Variants in MEF2D observed in about 807,000 individuals in gnomAD.
MEF2D encodes the protein myocyte-specific enhancer factor 2D.
A neutral mutation model predicts 59.3 loss-of-function variants in MEF2D; 10 were observed. The ratio of observed to expected loss-of-function variants is 0.17; its 90% CI spans 0.10 to 0.29. The LOEUF is 0.29. MEF2D is among the 10% of genes least tolerant of loss of function. The pLI, the probability that MEF2D is intolerant of heterozygous loss-of-function variation, is 1.00. For synonymous variants in MEF2D, 305 were observed against 295.0 expected (o/e 1.03, Z -0.35); for missense variants, 508 against 699.4 (o/e 0.73, Z 3.09).
In MEF2D at chr1:156,468,186, G is replaced by C; in HGVS notation, c.1361C>G (p.Pro454Arg). The C allele has an allele frequency of 6.2e-7, 1 of 1,613,832 alleles. No individual in the cohort carries two copies. The highest frequency in any genetic ancestry group is 1.3e-5 in the African/African-American group (1 of 75,052). Residue 454 changes from proline to arginine, a missense_variant, in exon 11 of 12, where the codon CCC (proline) becomes CGC (arginine). Physicochemically the swap from Pro to Arg is moderately radical, Grantham distance 103. Around this residue, in one of 2 missense-constraint regions of MEF2D, gnomAD observed 481 missense variants for 584.7 expected, o/e 0.82. Coordinates refer to ENST00000348159, the MANE Select transcript of MEF2D (RefSeq NM_005920.4). The surrounding 1 kb of genome is among the most constrained non-coding windows in gnomAD (Gnocchi z 4.3). ...GGCAGCTGGGAACACAGCTGGAGGG[G>C]GAGGCGCAGGGCTGCGCTCACGGCT... Reference protein sequence around the residue: ...SPSRERSPAPPPPAVFPAARP... With the variant: ...SPSRERSPAPRPPAVFPAARP...
chr1:156,472,580 G>A (rs941095697), intron 9 of MEF2D, among the ~76,000 whole-genome samples: 2 of 152,068 alleles, frequency 1.3e-5, no homozygotes, highest in African/African-American at 4.8e-5. Context: ...CAAAAGTCTC[G>A]CTCTGTTGCC....
At chr1:156,498,597 T>TC (rs1673286394) in intron 1 of MEF2D, among the ~76,000 whole-genome samples, 3 of 149,842 alleles carry the variant, frequency 2.0e-5, no homozygotes, top group Non-Finnish European at 4.5e-5. Flanking sequence ...CTTCCTCCCT[T>TC]CCCCCCTCCC....
intron 9 of MEF2D, 133 bp downstream of exon 9, chr1:156,474,975 G>T: frequency 7.9e-7 from 1 of 1,271,336 alleles, no homozygotes. Flanking sequence ...TTAACCATAA[G>T]TAGGTGGGGG....
chr1:156,498,171 C>T (rs1007380584), intron 1 of MEF2D, among the ~76,000 whole-genome samples: 3 of 142,704 alleles, frequency 2.1e-5, no homozygotes, highest in African/African-American at 7.9e-5. Flanking sequence ...GAAAGACTAT[C>T]ATATCTCCCA....
intron 8 of MEF2D, 49 bp from the exon 9 acceptor site, chr1:156,475,286 TTA>T: frequency 6.5e-7 from 1 of 1,530,648 alleles, no homozygotes; most frequent in East Asian, 2.3e-5. Context: ...GTGGGCAGCT[TTA>T]TGTTGGCCCT....
chr1:156,473,259 C>G (rs1001732656), intron 9 of MEF2D, among the ~76,000 whole-genome samples: 4 of 152,166 alleles, frequency 2.6e-5, no homozygotes, highest in African/African-American at 9.7e-5. Context: ...TCGTGATCCT[C>G]CTGCCTCAGC....
chr1:156,474,180 T>C (rs1277600134), intron 9 of MEF2D, among the ~76,000 whole-genome samples: 1 of 152,164 alleles, frequency 6.6e-6, no homozygotes, highest in Non-Finnish European at 1.5e-5. Flanking sequence ...TAAACAATGC[T>C]GGCCAGGCAC....
intron 1 of MEF2D, 67 bp from the exon 2 acceptor site, chr1:156,483,497 C>A: frequency 1.7e-6 from 1 of 586,946 alleles, no homozygotes; most frequent in Non-Finnish European, 3.0e-6. Context: ...CCTGGGCACA[C>A]AGGCCAGACT....
Position 156,483,319 on chromosome 1 carries a change from G to A in MEF2D, c.-27C>T, listed in dbSNP as rs779796679. On this transcript the variant is annotated 5_prime_UTR_variant, in exon 2 of 12. Coordinates refer to ENST00000348159, the MANE Select transcript of MEF2D (RefSeq NM_005920.4). ...TTCTCCGGGGGTCCTCAGTGCTACG[G>A]AGGGGAGGGGCTCGCTGGGTGGTGG... The A allele has an allele frequency of 1.2e-6, 2 of 1,612,610 alleles. No homozygotes were observed. Among genetic ancestry groups the A allele is most frequent in the Admixed American group, 1.7e-5 (1 of 59,988 alleles).
intron 1 of MEF2D, among the ~76,000 whole-genome samples, chr1:156,488,599 A>G (rs562995680): frequency 1.3e-5 from 2 of 152,318 alleles, no homozygotes; most frequent in East Asian, 1.9e-4. Flanking sequence ...TGAGCTACAC[A>G]TGATGTGCAA....
intron 3 of MEF2D, among the ~76,000 whole-genome samples, chr1:156,482,099 G>A (rs770571766): frequency 1.3e-5 from 2 of 152,248 alleles, no homozygotes; most frequent in Admixed American, 6.5e-5. Context: ...ATGGAGAAGC[G>A]GGGAAAGAGA....
At chr1:156,489,461 C>T (rs1175695774) in intron 1 of MEF2D, among the ~76,000 whole-genome samples, 2 of 151,886 alleles carry the variant, frequency 1.3e-5, no homozygotes, top group Non-Finnish European at 1.5e-5. Flanking sequence ...AAAGAGGCAG[C>T]GAGGCCAGAA....
At position 156,467,463 on chromosome 1, in the gene MEF2D, T is replaced by TA. The variant is rs1329356591; in HGVS notation, c.*181dup. 2.4e-5 allele frequency: 7 copies of TA among 285,960 alleles called. No individual in the cohort carries two copies. Among genetic ancestry groups the TA allele is most frequent in the Non-Finnish European group, 3.2e-5 (5 of 156,082 alleles). 17.7% of individuals were successfully genotyped at this position (285,960 alleles called of 1,614,324 possible). A position where few individuals can be genotyped will look rare whatever the true frequency, so the allele number is the denominator to read the frequency against. ...CCCTCTCCAAAGCGAGAATCCAAATTAAAAAAAATATAATAATAATAATAA... is the reference window on the plus strand; with the variant it reads ...CCCTCTCCAAAGCGAGAATCCAAATTAAAAAAAAATATAATAATAATAATAA... On this transcript the variant is annotated 3_prime_UTR_variant, in exon 12 of 12. Coordinates refer to ENST00000348159, the MANE Select transcript of MEF2D (RefSeq NM_005920.4).
At chr1:156,467,720 C>A in intron 11 of MEF2D, 64 bp from the exon 12 acceptor site, 1 of 1,344,254 alleles carries the variant, frequency 7.4e-7, no homozygotes, top group East Asian at 2.7e-5. Context: ...GTATGCACCC[C>A]CCACTCCCCT....
Position 156,467,985 on chromosome 1 carries a change from T to C in MEF2D, c.1554+8A>G. On this transcript the variant is annotated splice_region_variant and intron_variant, in intron 11 of 11. Coordinates refer to ENST00000348159, the MANE Select transcript of MEF2D (RefSeq NM_005920.4). The stretch of plus-strand genomic sequence containing the variant: ...CACTGGCAGACAGGAGAGGTGATGC[T>C]ACAGTACCCAGGTATCAAGCCGCAT... 6.2e-7 allele frequency: 1 copy of C among 1,607,368 alleles called. No homozygotes were observed. Among genetic ancestry groups the C allele is most frequent in the Non-Finnish European group, 8.5e-7 (1 of 1,177,482 alleles).
intron 1 of MEF2D, chr1:156,499,569 A>C (rs1673352486): frequency 6.6e-6 from 1 of 152,070 alleles, no homozygotes; most frequent in South Asian, 2.1e-4. Flanking sequence ...ACCTGGTAGG[A>C]GAGAAGCTGG....
At chr1:156,482,309 GA>G (rs1672076004) in intron 3 of MEF2D, 127 bp downstream of exon 3, 3 of 954,846 alleles carry the variant, frequency 3.1e-6, no homozygotes, top group Non-Finnish European at 3.3e-6. Flanking sequence ...GCGCACAGGT[GA>G]GGGGCTACAA....
chr1:156,480,676 C>T (rs1172956656), intron 4 of MEF2D, 158 bp downstream of exon 4: 8 of 1,569,936 alleles, frequency 5.1e-6, no homozygotes, highest in Admixed American at 1.9e-5. Context: ...TTTTATCAAA[C>T]TCCTCGTCTA....
At chr1:156,486,956 C>G (rs1003177801) in intron 1 of MEF2D, among the ~76,000 whole-genome samples, 1 of 152,236 alleles carries the variant, frequency 6.6e-6, no homozygotes, top group Non-Finnish European at 1.5e-5. Context: ...AGAACCCTTG[C>G]TCTCCCAACT....
Sources: allele counts gnomAD v4.1 joint callset (sites outside exome capture counted in the v4.1 genomes callset), GRCh38; gene constraint gnomAD v4.1.1; regional missense constraint gnomAD v4.1.1; non-coding constraint Gnocchi (gnomAD v3.1); transcripts MANE v1.5; gene names NCBI Gene and HGNC (gene_info 2026-07-23, HGNC 2026-07-21).